Variants in SLC1A2 observed in about 807,000 individuals in gnomAD.
SLC1A2 encodes solute carrier family 1 member 2.
Under a neutral mutation model 48.8 loss-of-function variants are expected in SLC1A2, and 15 were observed. The ratio of observed to expected loss-of-function variants is 0.31; its 90% CI spans 0.21 to 0.47. SLC1A2 has a LOEUF of 0.47. SLC1A2 is among the 20% of genes least tolerant of loss of function. The pLI, the probability that SLC1A2 is intolerant of heterozygous loss-of-function variation, is 0.99. For synonymous variants in SLC1A2, 279 were observed against 272.6 expected (o/e 1.02, Z -0.23); for missense variants, 502 against 730.5 (o/e 0.69, Z 3.61).
upstream of SLC1A2, chr11:35,420,047 G>A: frequency 2.6e-6 from 1 of 384,274 alleles, no homozygotes; most frequent in Non-Finnish European, 5.5e-6. Context: ...GCCGAAGCTC[G>A]AATAAATCTC....
chr11:35,265,453 G>GT (rs35055326), intron 10 of SLC1A2, 74 bp downstream of exon 10: 244,606 of 633,794 alleles, frequency 0.39, 11,966 homozygotes, highest in South Asian at 0.45. Context: ...GGGCTTTACG[G>GT]TTTTTTTTTT....
intron 1 of SLC1A2, among the ~76,000 whole-genome samples, chr11:35,355,580 G>C (rs1853425888): frequency 6.6e-6 from 1 of 152,182 alleles, no homozygotes; most frequent in African/African-American, 2.4e-5. Flanking sequence ...GCCAGTTATA[G>C]ATCCAGTCTT....
intron 1 of SLC1A2, among the ~76,000 whole-genome samples, chr11:35,325,501 A>G (rs144178256): frequency 9.6e-4 from 146 of 152,312 alleles, no homozygotes; most frequent in African/African-American, 3.4e-3. Flanking sequence ...ATGTTGCCTG[A>G]AGGAATGAAT....
intron 6 of SLC1A2, 46 bp from the exon 7 acceptor site, chr11:35,292,566 G>T: frequency 7.9e-7 from 1 of 1,264,634 alleles, no homozygotes; most frequent in Non-Finnish European, 1.1e-6. Flanking sequence ...GATCATTAGG[G>T]ATTCAGAACC....
rs2134871593 is a variant in SLC1A2, at chr11:35,312,484, T to C, written c.311-36A>G. ...AAGAAATGCAGAAGGATTAATTCTA[T>C]TACGTTTGTGCTAATGACCTGTGTC... On this transcript the variant is annotated intron_variant, in intron 3 of 10. Coordinates refer to ENST00000278379, the MANE Select transcript of SLC1A2 (RefSeq NM_004171.4). The C allele has an allele frequency of 1.9e-6, 3 of 1,610,408 alleles. No homozygotes were observed. In the East Asian group the frequency reaches 6.7e-5, roughly 36 times the overall value.
intron 1 of SLC1A2, among the ~76,000 whole-genome samples, chr11:35,319,263 A>C (rs756990478): frequency 3.3e-5 from 5 of 152,190 alleles, no homozygotes. Flanking sequence ...AGCAGGGGGA[A>C]ATGATCAAAA....
intron 6 of SLC1A2, among the ~76,000 whole-genome samples, chr11:35,293,341 AC>A (rs1851071045): frequency 6.6e-6 from 1 of 152,230 alleles, no homozygotes; most frequent in Admixed American, 6.5e-5. Flanking sequence ...AAGACAAGCC[AC>A]TTCTTTTTAG....
At chr11:35,389,895 A>G (rs1391176628) in intron 1 of SLC1A2, among the ~76,000 whole-genome samples, 1 of 152,190 alleles carries the variant, frequency 6.6e-6, no homozygotes, top group Non-Finnish European at 1.5e-5. Flanking sequence ...TACAAGCATG[A>G]GACACTGGGC....
intron 1 of SLC1A2, among the ~76,000 whole-genome samples, chr11:35,403,100 A>C (rs1855183048): frequency 6.6e-6 from 1 of 152,082 alleles, no homozygotes; most frequent in African/African-American, 2.4e-5. Flanking sequence ...AACAATGACA[A>C]TCAACATTAT....
Position 35,260,105 on chromosome 11 carries a change from T to C in SLC1A2, c.*789A>G, listed in dbSNP as rs1297334759. 1 of 152,228 alleles carries C rather than the reference T, an allele frequency of 6.6e-6. No homozygotes were observed. Among genetic ancestry groups the C allele is most frequent in the Non-Finnish European group, 1.5e-5 (1 of 68,038 alleles). The allele number at this position is 152,228 out of a possible 1,614,324, so 9.4% of individuals were successfully genotyped here. On this transcript the variant is annotated 3_prime_UTR_variant, in exon 11 of 11. Coordinates refer to ENST00000278379, the MANE Select transcript of SLC1A2 (RefSeq NM_004171.4). ...AATATTTAACTCTGGTTAAACTTTA[T>C]GTTGACTGTGCTCTCTTACTTTTGT...
At chr11:35,360,068 C>T (rs944282298) in intron 1 of SLC1A2, 5 of 985,054 alleles carry the variant, frequency 5.1e-6, no homozygotes, top group East Asian at 1.1e-4. Context: ...GCTCCAGGAA[C>T]GTGCTGGTCA....
intron 6 of SLC1A2, chr11:35,298,947 C>A (rs535602044): frequency 2.1e-4 from 32 of 152,300 alleles, no homozygotes; most frequent in African/African-American, 7.5e-4. Context: ...GCTAGAAATT[C>A]TAGGAAACAA....
chr11:35,271,853 A>T (rs1436959293), intron 9 of SLC1A2, among the ~76,000 whole-genome samples: 1 of 152,152 alleles, frequency 6.6e-6, no homozygotes, highest in East Asian at 1.9e-4. Context: ...AAAAAAGAAG[A>T]TTCTTTTGGT....
chr11:35,278,263 GTTTTTTTTTGT>G (rs958428772), intron 9 of SLC1A2, among the ~76,000 whole-genome samples: 2 of 103,810 alleles, frequency 1.9e-5, no homozygotes, highest in African/African-American at 3.6e-5. Flanking sequence ...TCTTACTTCT[GTTTTTTTTTGT>G]TTTTTTTTTT....
intron 1 of SLC1A2, among the ~76,000 whole-genome samples, chr11:35,351,928 C>G (rs1051655329): frequency 6.6e-6 from 1 of 152,226 alleles, no homozygotes; most frequent in African/African-American, 2.4e-5. Flanking sequence ...GTCACCGCAT[C>G]TGGCCCTGAT....
At chr11:35,374,014 C>T (rs1018498557) in intron 1 of SLC1A2, among the ~76,000 whole-genome samples, 7 of 152,220 alleles carry the variant, frequency 4.6e-5, no homozygotes, top group Non-Finnish European at 8.8e-5. Context: ...GTTACTTAAA[C>T]TCTGTGTTTC....
intron 1 of SLC1A2, among the ~76,000 whole-genome samples, chr11:35,411,003 A>C (rs758037754): frequency 2.5e-4 from 38 of 152,222 alleles, no homozygotes; most frequent in Non-Finnish European, 4.7e-4. Flanking sequence ...TCTAAAGTTC[A>C]ATGCTCTCAG....
intron 1 of SLC1A2, among the ~76,000 whole-genome samples, chr11:35,338,481 G>T (rs1368112022): frequency 6.6e-6 from 1 of 152,110 alleles, no homozygotes; most frequent in Non-Finnish European, 1.5e-5. Flanking sequence ...ACATAGATTT[G>T]TGGGTGATCA....
At chr11:35,288,563 C>T (rs563045043) in intron 7 of SLC1A2, among the ~76,000 whole-genome samples, 5 of 152,244 alleles carry the variant, frequency 3.3e-5, no homozygotes, top group African/African-American at 4.8e-5. Flanking sequence ...CCAGGATTCT[C>T]GATTGCAAGC....
Sources: allele counts gnomAD v4.1 joint callset (sites outside exome capture counted in the v4.1 genomes callset), GRCh38; gene constraint gnomAD v4.1.1; transcripts MANE v1.5; gene names NCBI Gene and HGNC (gene_info 2026-07-23, HGNC 2026-07-21).